The following ANGPTL6 variants were observed in gnomAD, a reference collection of about 807,000 sequenced individuals.
ANGPTL6 encodes the protein angiopoietin-related protein 6.
ANGPTL6 carries 45 observed loss-of-function variants against 47.4 expected under a neutral mutation model. The ratio of observed to expected loss-of-function variants is 0.95; its 90% CI spans 0.75 to 1.22. ANGPTL6 has a LOEUF of 1.22. ANGPTL6 is among the 50% of genes most tolerant of loss of function. The probability of loss-of-function intolerance (pLI) is 0.00; values close to 1 mark genes in which losing one functional copy is unlikely to be tolerated. For synonymous variants in ANGPTL6, 290 were observed against 295.9 expected, an observed-to-expected ratio of 0.98 and a Z score of 0.20; for missense variants, 698 against 669.4, an observed-to-expected ratio of 1.04 and a Z score of -0.47.
chr19:10,095,782 G>C (rs1028504123), intron 2 of ANGPTL6, among the ~76,000 whole-genome samples, 200 bp downstream of exon 2: 2 of 152,196 alleles, frequency 1.3e-5, no homozygotes, highest in African/African-American at 4.8e-5. Flanking sequence ...AGGATCCTAT[G>C]ACTATTCACA....
At chr19:10,102,942 G>A (rs970652114), upstream of ANGPTL6, 11 of 217,890 alleles carry the variant, frequency 5.0e-5, no homozygotes, top group Non-Finnish European at 8.6e-5. Flanking sequence ...GGGCAGCCAG[G>A]CGTGATCCCA....
chr19:10,100,918 G>A (rs2088661951), intron 1 of ANGPTL6, among the ~76,000 whole-genome samples: 1 of 152,126 alleles, frequency 6.6e-6, no homozygotes, highest in Non-Finnish European at 1.5e-5. Context: ...CGAGGTGCCT[G>A]TAATCCCAGC....
rs1341572902 is a variant in ANGPTL6, at chr19:10,094,003, C to T, written c.764-123G>A. Reference sequence around the variant, plus strand: ...GAGTTCTGCCTCTCCCACTTTTCTACCAAAGAGTCCTGCCTCTCCCATTTC... The same window carrying T: ...GAGTTCTGCCTCTCCCACTTTTCTATCAAAGAGTCCTGCCTCTCCCATTTC... On this transcript the variant is annotated intron_variant, in intron 3 of 5. Transcript: ENST00000253109. The T allele has an allele frequency of 2.1e-5, 21 of 1,012,570 alleles. No individual in the cohort carries two copies. The Admixed American group carries it at 3.0e-4, about 15-fold the overall frequency. 62.7% of individuals were successfully genotyped at this position (1,012,570 alleles called of 1,614,324 possible).
rs769918309 is a variant in ANGPTL6 at position 10,096,011 on chromosome 19, A to T, written c.553T>A (p.Cys185Ser). The change falls in exon 2 of 6, where the codon TGC becomes AGC. Residue 185 changes from cysteine to serine, a missense_variant. Transcript: ENST00000253109. The stretch of plus-strand genomic sequence containing the variant: ...TGCTGCCCGCCCGCGCCTCCCGGGC[A>T]CAGGCGCTCCAGGCGGGCGATGAGA... The part of the protein sequence containing the change: ...SSLIARLERL[C>S]PGGAGGQQQV... 2.2e-6 allele frequency: 3 copies of T among 1,361,900 alleles called. No individual in the cohort carries two copies. The highest frequency in any genetic ancestry group is 2.9e-6 in the Non-Finnish European group (3 of 1,052,372). The allele number at this position is 1,361,900 out of a possible 1,614,324, so 84.4% of individuals were successfully genotyped here.
chr19:10,094,283 A>T (rs58496711), intron 3 of ANGPTL6, among the ~76,000 whole-genome samples: 18,036 of 151,990 alleles, frequency 0.12, 1,264 homozygotes, highest in Admixed American at 0.23. Context: ...AGCAGCTGGG[A>T]CTACAGGCGC....
chr19:10,099,408 C>T (rs1460160211), intron 1 of ANGPTL6, among the ~76,000 whole-genome samples: 1 of 151,976 alleles, frequency 6.6e-6, no homozygotes, highest in African/African-American at 2.4e-5. Flanking sequence ...AACCCCGTCT[C>T]TACTGAAAAT....
chr19:10,098,291 G>A (rs1480546639), intron 1 of ANGPTL6, among the ~76,000 whole-genome samples: 4 of 152,124 alleles, frequency 2.6e-5, no homozygotes, highest in Admixed American at 6.5e-5. Context: ...GTTTGAAGCT[G>A]CAGTGAGCTA....
chr19:10,094,065 C>T (rs2088466925), intron 3 of ANGPTL6, among the ~76,000 whole-genome samples, 185 bp from the exon 4 acceptor site: 1 of 152,222 alleles, frequency 6.6e-6, no homozygotes, highest in Admixed American at 6.5e-5. Flanking sequence ...CCCATTTCCT[C>T]ACCAGAATCC....
Position 10,093,853 on chromosome 19 carries a change from C to T in ANGPTL6, c.791G>A (p.Arg264His), listed in dbSNP as rs150117768. The T allele has an allele frequency of 2.5e-6, 4 of 1,610,454 alleles. No individual in the cohort carries two copies. Among genetic ancestry groups the T allele is most frequent in the Middle Eastern group, 1.6e-4 (1 of 6,084 alleles). ...TCCACTCTGTTCATGGCCTGCCTGG[C>T]GGGCCTCTGCACAATCCTGCCACGG... ...VGPWQDCAEARQAGHEQSGVY... is the reference protein window; with the variant it reads ...VGPWQDCAEAHQAGHEQSGVY... Residue 264 changes from arginine (R) to histidine (H), a missense_variant, in exon 4 of 6, where the codon CGC becomes CAC. Arg to His is a conservative substitution (Grantham distance 29, BLOSUM62 0). Transcript: ENST00000253109.
At chr19:10,093,988 T>C in intron 3 of ANGPTL6, 108 bp from the exon 4 acceptor site, 1 of 1,194,544 alleles carries the variant, frequency 8.4e-7, no homozygotes, top group Non-Finnish European at 1.2e-6. Context: ...GAGTTCTGCC[T>C]CTCCCACTTT....
At position 10,092,602 on chromosome 19, in the gene ANGPTL6, G is replaced by C; in HGVS notation, c.1400C>G (p.Pro467Arg). 6.2e-7 allele frequency: 1 copy of C among 1,606,906 alleles called. No individual in the cohort carries two copies. Among genetic ancestry groups the C allele is most frequent in the South Asian group, 1.1e-5 (1 of 90,586 alleles). The part of the protein sequence containing the change: ...SLRKAAMLIR[P>R]LKL ...AGGAACACAGAGTCACAGCTTCAGGGGCCGAATGAGCATGGCGGCCTTCCT... is the reference window on the plus strand; with the variant it reads ...AGGAACACAGAGTCACAGCTTCAGGCGCCGAATGAGCATGGCGGCCTTCCT... Residue 467 changes from proline (P) to arginine (R), a missense_variant, in exon 6 of 6, where the codon CCC becomes CGC. By Grantham distance (103) the Pro-to-Arg change is moderately radical. Transcript: ENST00000253109.
intron 1 of ANGPTL6, among the ~76,000 whole-genome samples, chr19:10,100,384 C>T (rs1310697514): frequency 1.3e-5 from 2 of 152,158 alleles, no homozygotes; most frequent in Non-Finnish European, 2.9e-5. Context: ...GTTGGAACTA[C>T]AGGTGCGCAC....
chr19:10,104,081 C>CAA (rs33948028), upstream of ANGPTL6, among the ~76,000 whole-genome samples: 7,222 of 73,922 alleles, frequency 0.098, 433 homozygotes, highest in Middle Eastern at 0.22. Context: ...GACTCTGTCT[C>CAA]AAAAAAAAAA....
chr19:10,092,584 CAG>C lies in ANGPTL6; in HGVS notation c.*3_*4del. 2 of 1,598,742 alleles carry C rather than the reference CAG, an allele frequency of 1.3e-6. No individual in the cohort carries two copies. The highest frequency in any genetic ancestry group is 1.1e-5 in the South Asian group (1 of 89,430). On this transcript the variant is annotated 3_prime_UTR_variant, in exon 6 of 6. Coordinates refer to ENST00000253109, the MANE Select transcript of ANGPTL6 (RefSeq NM_031917.3). ...CTAGGGCCTAGGGGACAGAGGAACA[CAG>C]AGTCACAGCTTCAGGGGCCGAATGA...
chr19:10,105,246 C>T (rs751988774), upstream of ANGPTL6, among the ~76,000 whole-genome samples: 10 of 152,274 alleles, frequency 6.6e-5, no homozygotes, highest in Non-Finnish European at 1.2e-4. Flanking sequence ...CTGGGCCCCT[C>T]GGCCCCCCAC....
At chr19:10,100,947 G>A (rs2088662626) in intron 1 of ANGPTL6, among the ~76,000 whole-genome samples, 2 of 151,620 alleles carry the variant, frequency 1.3e-5, no homozygotes, top group African/African-American at 4.8e-5. Flanking sequence ...AGGCCGAGGT[G>A]CCTGTAATCC....
intron 1 of ANGPTL6, 136 bp from the exon 2 acceptor site, chr19:10,096,709 C>T: frequency 3.0e-6 from 2 of 675,614 alleles, no homozygotes; most frequent in South Asian, 2.2e-5. Flanking sequence ...TCATTCCCCC[C>T]ACGGCTGGAG....
At chr19:10,101,573 C>T (rs868850508) in intron 1 of ANGPTL6, among the ~76,000 whole-genome samples, 5 of 150,876 alleles carry the variant, frequency 3.3e-5, no homozygotes, top group African/African-American at 1.2e-4. Context: ...TTTGGGAGGC[C>T]GAGGCGGGAG....
chr19:10,093,831 A>G lies in ANGPTL6; in HGVS notation c.813T>C (p.Ser271=). ...AEARQAGHEQ[S]GVYELRVGRH... is the part of the protein sequence containing the mutation. ...GGCCCACTCGCAGTTCATACACTCC[A>G]CTCTGTTCATGGCCTGCCTGGCGGG... is the stretch of plus-strand genomic sequence containing the variant. Residue 271 remains serine, a synonymous_variant, in exon 4 of 6, where the codon AGT becomes AGC. Coordinates refer to ENST00000253109, the MANE Select transcript of ANGPTL6 (RefSeq NM_031917.3). The G allele has an allele frequency of 1.2e-6, 2 of 1,612,102 alleles. No individual in the cohort carries two copies. Among genetic ancestry groups the G allele is most frequent in the Non-Finnish European group, 1.7e-6 (2 of 1,179,810 alleles).
Sources: allele counts gnomAD v4.1 joint callset (sites outside exome capture counted in the v4.1 genomes callset), GRCh38; gene constraint gnomAD v4.1.1; transcripts MANE v1.5; gene names NCBI Gene and HGNC (gene_info 2026-07-23, HGNC 2026-07-21).